The following MORC3 variants were observed in gnomAD, a reference collection of about 807,000 sequenced individuals.
The protein encoded by MORC3 is MORC family CW-type zinc finger protein 3.
A neutral mutation model predicts 109.1 loss-of-function variants in MORC3; 31 were observed. The ratio of observed to expected loss-of-function variants is 0.28; its 90% confidence interval spans 0.21 to 0.38. The LOEUF is 0.38. Among genes scored for constraint, MORC3 ranks in the 10% least tolerant of loss-of-function variants. The probability of loss-of-function intolerance (pLI) is 1.00; values close to 1 mark genes in which losing one functional copy is unlikely to be tolerated. For synonymous variants in MORC3, 395 were observed against 380.7 expected, an observed-to-expected ratio of 1.04 and a Z score of -0.44; for missense variants, 867 against 1,135.8, an observed-to-expected ratio of 0.76 and a Z score of 3.40.
chr21:36,362,323 A>G (rs2085728098), intron 13 of MORC3, 95 bp downstream of exon 13: 1 of 1,362,498 alleles, frequency 7.3e-7, no homozygotes, highest in Non-Finnish European at 1.0e-6. Context: ...CAGGTGGATC[A>G]CCTGAGGTCA....
At chr21:36,374,418 T>C (rs1474343704) in intron 16 of MORC3, among the ~76,000 whole-genome samples, 1 of 152,146 alleles carries the variant, frequency 6.6e-6, no homozygotes, top group Admixed American at 6.6e-5. Flanking sequence ...TAACATTGTT[T>C]AACACAATGT....
At chr21:36,350,658 T>C (rs1201025321) in intron 9 of MORC3, among the ~76,000 whole-genome samples, 1 of 151,498 alleles carries the variant, frequency 6.6e-6, no homozygotes, top group Admixed American at 6.6e-5. Flanking sequence ...ATATTAGAAA[T>C]GAAAAAGAAG....
chr21:36,372,636 G>C, intron 16 of MORC3, 105 bp downstream of exon 16: 1 of 1,171,392 alleles, frequency 8.5e-7, no homozygotes, highest in Non-Finnish European at 1.1e-6. Flanking sequence ...GTCAAAAGAA[G>C]TTATTGATGG....
At chr21:36,359,674 C>G (rs4816533) in intron 10 of MORC3, among the ~76,000 whole-genome samples, 90,445 of 150,640 alleles carry the variant, frequency 0.6, 28,175 homozygotes, top group East Asian at 1. Context: ...CCACCTCAGC[C>G]TCCCAAGTAG....
At chr21:36,365,962 T>G (rs2085776451) in intron 14 of MORC3, among the ~76,000 whole-genome samples, 1 of 152,218 alleles carries the variant, frequency 6.6e-6, no homozygotes, top group South Asian at 2.1e-4. Context: ...TATTTTACAG[T>G]TCTCCTTAAC....
intron 2 of MORC3, among the ~76,000 whole-genome samples, chr21:36,334,498 C>T (rs77249858): frequency 6.6e-6 from 1 of 152,108 alleles, no homozygotes; most frequent in African/African-American, 2.4e-5. Context: ...TGAGGTCTCA[C>T]CATGTTGTCC....
chr21:36,347,456 G>A (rs976081519), intron 8 of MORC3, among the ~76,000 whole-genome samples: 1 of 152,096 alleles, frequency 6.6e-6, no homozygotes, highest in African/African-American at 2.4e-5. Flanking sequence ...AGTTAAGCTC[G>A]ACCTTGTAAA....
At chr21:36,335,183 A>G (rs143453494) in intron 2 of MORC3, among the ~76,000 whole-genome samples, 2 of 152,328 alleles carry the variant, frequency 1.3e-5, no homozygotes, top group East Asian at 3.8e-4. Flanking sequence ...TAATTGAAAA[A>G]TTTAGGCATA....
At chr21:36,323,515 C>T (rs1373548397) in intron 1 of MORC3, among the ~76,000 whole-genome samples, 1 of 152,064 alleles carries the variant, frequency 6.6e-6, no homozygotes, top group Non-Finnish European at 1.5e-5. Context: ...CTAACAATAA[C>T]ACCACTTCCA....
intron 4 of MORC3, 39 bp downstream of exon 4, chr21:36,337,985 T>G (rs1266625100): frequency 6.3e-7 from 1 of 1,590,806 alleles, no homozygotes; most frequent in South Asian, 1.1e-5. Context: ...GTGGAGAAAC[T>G]GAAGAAATAA....
Position 36,369,502 on chromosome 21 carries a change from A to G in MORC3, c.2134A>G (p.Asn712Asp). 4 of 1,614,196 alleles carry G rather than the reference A, an allele frequency of 2.5e-6. No homozygotes were observed. Among genetic ancestry groups the G allele is most frequent in the African/African-American group, 1.3e-5 (1 of 75,030 alleles). Reference sequence around the variant, plus strand: ...ACTCCTTGTCACTGAGGAAAAAGAGAATTATAAAAGACAGTGTCATATGTT... The same window carrying G: ...ACTCCTTGTCACTGAGGAAAAAGAGGATTATAAAAGACAGTGTCATATGTT... ...QLLLVTEEKE[N>D]YKRQCHMFTD... Residue 712 changes from asparagine (N) to aspartate (D), a missense_variant, in exon 15 of 17, where the codon AAT (asparagine) becomes GAT (aspartate). By Grantham distance (23) the Asn-to-Asp change is conservative. Around this residue, in one of 7 missense-constraint regions of MORC3, gnomAD observed 486 missense variants for 502.1 expected, o/e 0.97. Transcript: ENST00000400485.
At chr21:36,356,747 T>C (rs1433529328) in intron 10 of MORC3, 23 bp downstream of exon 10, 7 of 1,386,880 alleles carry the variant, frequency 5.0e-6, no homozygotes, top group Non-Finnish European at 6.0e-6. Context: ...TTAAAACATA[T>C]CATTTCACTT....
At chr21:36,354,051 A>C (rs2085611389) in intron 9 of MORC3, among the ~76,000 whole-genome samples, 1 of 151,480 alleles carries the variant, frequency 6.6e-6, no homozygotes, top group South Asian at 2.1e-4. Flanking sequence ...AGACTGGGTG[A>C]CAGAGTGAGA....
chr21:36,342,593 G>A (rs1228779167), intron 6 of MORC3, among the ~76,000 whole-genome samples: 2 of 151,984 alleles, frequency 1.3e-5, no homozygotes, highest in East Asian at 3.9e-4. Context: ...TGGTAGAGAC[G>A]ATGTTTCACC....
intron 3 of MORC3, 54 bp from the exon 4 acceptor site, chr21:36,337,678 T>C: frequency 8.9e-7 from 1 of 1,117,470 alleles, no homozygotes; most frequent in Non-Finnish European, 1.2e-6. Context: ...TTTATTTATT[T>C]ATTTATTTTT....
In MORC3 at chr21:36,341,413, CAG is replaced by C. The variant is rs1273772429; in HGVS notation, c.626_627del (p.Glu209ValfsTer4). On this transcript the variant is annotated frameshift_variant, in exon 6 of 17. Transcript: ENST00000400485. LOFTEE classifies it high-confidence loss of function. Reference sequence around the variant, plus strand: ...TATTTTTACAGCTACAAAAATGCAACAGAGTTCGATTTTGAAAAGGATAAATA... The same window carrying C: ...TATTTTTACAGCTACAAAAATGCAACAGTTCGATTTTGAAAAGGATAAATA... 6.3e-7 allele frequency: 1 copy of C among 1,597,882 alleles called. No homozygotes were observed. Among genetic ancestry groups the C allele is most frequent in the Non-Finnish European group, 8.5e-7 (1 of 1,176,280 alleles).
chr21:36,341,752 A>G (rs1465596972), intron 6 of MORC3, among the ~76,000 whole-genome samples: 25 of 152,200 alleles, frequency 1.6e-4, no homozygotes. Flanking sequence ...TAAACTTTTC[A>G]TTAGCACACT....
intron 1 of MORC3, 96 bp downstream of exon 1, chr21:36,320,399 C>G (rs1432475863): frequency 2.0e-5 from 24 of 1,174,344 alleles, no homozygotes; most frequent in Non-Finnish European, 2.5e-5. Context: ...CTTGTGGGGC[C>G]GACGCGGCGG....
chr21:36,353,348 T>A (rs1248854422), intron 9 of MORC3, among the ~76,000 whole-genome samples: 4 of 96,960 alleles, frequency 4.1e-5, no homozygotes, highest in Admixed American at 2.9e-4. Context: ...AGAGAGAGAC[T>A]CTGTCTCAAA....
Sources: gnomAD v4.1 joint callset for allele counts (sites outside exome capture counted in the v4.1 genomes callset) on GRCh38, gnomAD v4.1.1 for gene constraint, gnomAD v4.1.1 regional missense constraint, MANE v1.5 for transcripts, NCBI Gene and HGNC (gene_info 2026-07-23, HGNC 2026-07-21) for gene names.